UNC13C: variants seen among roughly 807,000 people sequenced by gnomAD.
UNC13C encodes the protein protein unc-13 homolog C.
Under a neutral mutation model 245.4 loss-of-function variants are expected in UNC13C, and 174 were observed. That is an observed-to-expected ratio of 0.71 (90% confidence interval 0.63 to 0.80). UNC13C has a LOEUF of 0.80. Among genes scored for constraint, UNC13C ranks in the 30% least tolerant of loss-of-function variants. The pLI is 0.00. For synonymous variants in UNC13C, 992 were observed against 895.1 expected (o/e 1.11, Z -1.93); for missense variants, 2,829 against 2,602.9 (o/e 1.09, Z -1.89).
At chr15:54,348,704 T>G (rs72732780) in intron 17 of UNC13C, among the ~76,000 whole-genome samples, 1 of 152,286 alleles carries the variant, frequency 6.6e-6, no homozygotes, top group South Asian at 2.1e-4. Flanking sequence ...ACCCAAAAAG[T>G]TGATTTAGCA....
rs1216203710 is a variant in UNC13C at position 54,075,432 on chromosome 15, CGGAGCTTGCAGTGAG to C, written c.2983+59547_2983+59561del. On this transcript the variant is annotated intron_variant, in intron 2 of 32. Transcript: ENST00000260323. Reference sequence around the variant, plus strand: ...CCTGAAGGCGGAGCTTGCAGTGAGCCGGAGCTTGCAGTGAGCCGGAGCTTGCAGTGAGCCGGAGCT... The same window carrying C: ...CCTGAAGGCGGAGCTTGCAGTGAGCCCCGGAGCTTGCAGTGAGCCGGAGCT... Among the ~76,000 whole-genome samples the C allele has an allele frequency of 6.6e-3, 384 of 58,114 alleles. 1 individual carries two copies. Among genetic ancestry groups the C allele is most frequent in the Non-Finnish European group, 8.8e-3 (267 of 30,404 alleles). The allele number at this position is 58,114 out of a possible 152,430, so 38.1% of individuals were successfully genotyped here.
chr15:54,416,773 G>C, intron 19 of UNC13C: 1 of 377,112 alleles, frequency 2.7e-6, no homozygotes, highest in South Asian at 2.0e-5. Flanking sequence ...AATCTCCTTT[G>C]TCAGAACAGA....
the UNC13C span, among the ~76,000 whole-genome samples, chr15:53,842,760 A>G: frequency 6.6e-6 from 1 of 152,100 alleles, no homozygotes; most frequent in Non-Finnish European, 1.5e-5. Flanking sequence ...AGTGACTGAC[A>G]TCTGCTCCTT....
chr15:53,920,027 A>G, the UNC13C span, among the ~76,000 whole-genome samples: 1 of 152,050 alleles, frequency 6.6e-6, no homozygotes, highest in African/African-American at 2.4e-5. Flanking sequence ...AGACAGCTAT[A>G]TAATTTGGTC....
intron 17 of UNC13C, among the ~76,000 whole-genome samples, chr15:54,370,796 CAT>C (rs1290818215): frequency 6.6e-6 from 1 of 151,920 alleles, no homozygotes; most frequent in African/African-American, 2.4e-5. Flanking sequence ...GAATTTCACT[CAT>C]ATTATAAAGC....
chr15:54,226,544 C>T (rs79316414), intron 4 of UNC13C, among the ~76,000 whole-genome samples: 1,595 of 152,280 alleles, frequency 0.01, 24 homozygotes, highest in African/African-American at 0.037. Flanking sequence ...GACCACTTAC[C>T]TTGTTCCATC....
intron 2 of UNC13C, among the ~76,000 whole-genome samples, chr15:54,068,877 C>G (rs1432325036): frequency 6.6e-6 from 1 of 152,108 alleles, no homozygotes. Context: ...TGACAGGTCA[C>G]CGTGCACAGG....
the UNC13C span, among the ~76,000 whole-genome samples, chr15:53,854,778 G>T: frequency 1.3e-5 from 2 of 152,084 alleles, no homozygotes; most frequent in Non-Finnish European, 2.9e-5. Context: ...GGCTATTTGG[G>T]CTCTTTTTTT....
intron 11 of UNC13C, 104 bp downstream of exon 11, chr15:54,294,168 C>G (rs2037372262): frequency 1.1e-5 from 11 of 1,007,282 alleles, no homozygotes; most frequent in Non-Finnish European, 1.5e-5. Context: ...AATGCCTTTC[C>G]AGGACATTCT....
chr15:54,265,792 A>G (rs974486416), intron 10 of UNC13C, among the ~76,000 whole-genome samples: 1 of 151,974 alleles, frequency 6.6e-6, no homozygotes, highest in Non-Finnish European at 1.5e-5. Context: ...ATAACTTGCG[A>G]TGACCCAACA....
At chr15:53,892,330 G>A in the UNC13C span, among the ~76,000 whole-genome samples, 1 of 152,060 alleles carries the variant, frequency 6.6e-6, no homozygotes, top group African/African-American at 2.4e-5. Flanking sequence ...TTTCAACCTT[G>A]GTGAATCTGA....
At chr15:54,460,272 C>T (rs1222785100) in intron 19 of UNC13C, among the ~76,000 whole-genome samples, 1 of 152,182 alleles carries the variant, frequency 6.6e-6, no homozygotes, top group Non-Finnish European at 1.5e-5. Flanking sequence ...CCATGGATAC[C>T]AGCACCTGCT....
At position 54,002,025 on chromosome 15, in the gene UNC13C, G is replaced by A. The variant is rs143677930; in HGVS notation, c.-256-10623G>A. Among the ~76,000 whole-genome samples, 4 of 152,272 alleles carry A rather than the reference G, an allele frequency of 2.6e-5. No individual in the cohort carries two copies. The East Asian group carries it at 5.8e-4, about 22-fold the overall frequency. ...AAATCAGCCAGGCGTGGTGGCTCACGCCTGTAATCCCAACACTTTGGGAGG... is the reference window on the plus strand; with the variant it reads ...AAATCAGCCAGGCGTGGTGGCTCACACCTGTAATCCCAACACTTTGGGAGG... On this transcript the variant is annotated intron_variant, in intron 1 of 32. Transcript: ENST00000260323.
At chr15:54,402,066 A>T (rs1222366617) in intron 18 of UNC13C, among the ~76,000 whole-genome samples, 1 of 95,650 alleles carries the variant, frequency 1.0e-5, no homozygotes, top group African/African-American at 4.1e-5. Flanking sequence ...TTGAAATGTA[A>T]AAAAAAAAAA....
intron 4 of UNC13C, among the ~76,000 whole-genome samples, chr15:54,181,313 G>C (rs1053475148): frequency 6.6e-6 from 1 of 152,008 alleles, no homozygotes; most frequent in Non-Finnish European, 1.5e-5. Flanking sequence ...GGCTGAAGAT[G>C]TGCTGCTTTA....
At chr15:53,926,488 G>A in the UNC13C span, among the ~76,000 whole-genome samples, 8,369 of 152,170 alleles carry the variant, frequency 0.055, 386 homozygotes, top group East Asian at 0.21. Context: ...GAGAGGGGAA[G>A]GAAAACACGT....
intron 4 of UNC13C, among the ~76,000 whole-genome samples, chr15:54,202,619 G>C (rs2034558268): frequency 6.6e-6 from 1 of 152,022 alleles, no homozygotes; most frequent in African/African-American, 2.4e-5. Flanking sequence ...GCCACATGTA[G>C]AAGAATGAAA....
the UNC13C span, among the ~76,000 whole-genome samples, chr15:53,946,279 G>C: frequency 1.3e-4 from 20 of 152,092 alleles, no homozygotes; most frequent in East Asian, 3.9e-3. Flanking sequence ...TGTTGAATAG[G>C]AGTGGTGAGT....
chr15:54,151,910 A>G (rs888752212), intron 4 of UNC13C, among the ~76,000 whole-genome samples: 4 of 152,178 alleles, frequency 2.6e-5, no homozygotes, highest in Non-Finnish European at 4.4e-5. Flanking sequence ...ACTGCCGATA[A>G]AAACACACTC....
Sources: allele counts gnomAD v4.1 joint callset (sites outside exome capture counted in the v4.1 genomes callset), GRCh38; gene constraint gnomAD v4.1.1; transcripts MANE v1.5; gene names NCBI Gene and HGNC (gene_info 2026-07-23, HGNC 2026-07-21).